Variants in HADHA observed in about 807,000 individuals in gnomAD.
HADHA encodes trifunctional enzyme subunit alpha, mitochondrial.
In HADHA, 59 loss-of-function variants were observed where a neutral mutation model predicts 91.3. The ratio of observed to expected loss-of-function variants is 0.65; its 90% CI spans 0.52 to 0.80. HADHA has a LOEUF of 0.80. Among genes scored for constraint, HADHA ranks in the 30% least tolerant of loss-of-function variants. HADHA has a pLI of 0.00. For synonymous variants in HADHA, 320 were observed against 338.9 expected, an observed-to-expected ratio of 0.94 and a Z score of 0.61; for missense variants, 800 against 927.6, an observed-to-expected ratio of 0.86 and a Z score of 1.79.
intron 5 of HADHA, among the ~76,000 whole-genome samples, chr2:26,232,866 T>A (rs997452171): frequency 3.3e-5 from 5 of 151,894 alleles, no homozygotes; most frequent in Non-Finnish European, 1.5e-5. Context: ...CTGCTACACA[T>A]CTAGGCTATA....
At chr2:26,242,903 C>T (rs563661733) in intron 1 of HADHA, among the ~76,000 whole-genome samples, 1 of 152,340 alleles carries the variant, frequency 6.6e-6, no homozygotes, top group East Asian at 1.9e-4. Context: ...AGGCGCCCAC[C>T]AACACGTCCG....
chr2:26,203,913 G>A (rs1340778423), intron 12 of HADHA, 149 bp downstream of exon 12: 33 of 787,724 alleles, frequency 4.2e-5, no homozygotes, highest in Middle Eastern at 3.7e-4. Flanking sequence ...GCTTCACTAC[G>A]GAGTATCTAG....
At chr2:26,199,126 G>A (rs4665317) in intron 13 of HADHA, 125,007 of 151,960 alleles carry the variant, frequency 0.82, 51,773 homozygotes, top group African/African-American at 0.93. Context: ...TTGAACTCCT[G>A]ACCTCGTGAT....
chr2:26,233,057 C>T (rs1412345040), intron 5 of HADHA, among the ~76,000 whole-genome samples: 1 of 152,148 alleles, frequency 6.6e-6, no homozygotes, highest in Non-Finnish European at 1.5e-5. Flanking sequence ...AACCTGGATC[C>T]CTCTCATGTG....
Position 26,229,348 on chromosome 2 carries a change from GCACACACA to G in HADHA, c.676+836_676+843del, listed in dbSNP as rs5830004. ...GTGAGACCCCAACATGTGTGCGCGC[GCACACACA>G]CACACACACACACACACAAAATTAA... On this transcript the variant is annotated intron_variant, in intron 7 of 19. Transcript: ENST00000380649. The surrounding 1 kb of genome is among the most constrained non-coding windows in gnomAD (Gnocchi z 4.3). Among the ~76,000 whole-genome samples the G allele has an allele frequency of 4.7e-5, 7 of 147,520 alleles. No individual in the cohort carries two copies. The highest frequency in any genetic ancestry group is 2.2e-4 in the South Asian group (1 of 4,636).
chr2:26,209,689 A>G (rs1670048593), intron 11 of HADHA, 91 bp downstream of exon 11: 1 of 792,354 alleles, frequency 1.3e-6, no homozygotes, highest in African/African-American at 1.7e-5. Context: ...CTGAATTAAG[A>G]TACAGATCTA....
At chr2:26,235,313 A>G (rs1665745664) in intron 4 of HADHA, 1 of 152,238 alleles carries the variant, frequency 6.6e-6, no homozygotes, top group Non-Finnish European at 1.5e-5. Flanking sequence ...CGTCTCAAAA[A>G]TAAATAAGTA....
chr2:26,194,508 T>G, intron 16 of HADHA, 62 bp downstream of exon 16: 143 of 998,098 alleles, frequency 1.4e-4, no homozygotes, highest in Non-Finnish European at 2.1e-4. Flanking sequence ...CTTGACATCA[T>G]GAGTTTTAGA....
chr2:26,204,183 G>T lies in HADHA; in HGVS notation c.1099C>A (p.Leu367Ile). ...CCTGCTCCCATCAGCCCTGCACCAA[G>T]AATAGCCAGATGCCTGCAAGGCAAG... Reference protein sequence around the residue: ...PQKDVKHLAILGAGLMGAGIA... With the variant: ...PQKDVKHLAIIGAGLMGAGIA... Residue 367 changes from leucine (L) to isoleucine (I), a missense_variant, in exon 12 of 20, where the codon CTT (leucine) becomes ATT (isoleucine). Leu to Ile is a conservative substitution (Grantham distance 5). Transcript: ENST00000380649. 6.2e-7 allele frequency: 1 copy of T among 1,614,020 alleles called. No individual in the cohort carries two copies.
intron 14 of HADHA, 117 bp from the exon 15 acceptor site, chr2:26,195,349 C>T (rs1447834118): frequency 1.1e-6 from 1 of 885,060 alleles, no homozygotes; most frequent in Middle Eastern, 2.2e-4. Flanking sequence ...AGGAATACTG[C>T]TTGACATAGC....
chr2:26,235,134 C>G (rs912024935), intron 4 of HADHA: 3 of 152,150 alleles, frequency 2.0e-5, no homozygotes, highest in African/African-American at 7.2e-5. Context: ...CATGGTGAAA[C>G]CGCGTCTCTA....
chr2:26,238,881 G>T, intron 3 of HADHA, 53 bp downstream of exon 3: 1 of 1,026,986 alleles, frequency 9.7e-7, no homozygotes, highest in Non-Finnish European at 1.5e-6. Context: ...TCCCATTCAG[G>T]ACTAGATTCA....
At position 26,244,568 on chromosome 2, in the gene HADHA, A is replaced by C. The variant is rs750558471; in HGVS notation, c.29T>G (p.Leu10Arg). Residue 10 changes from leucine to arginine, a missense_variant, in exon 1 of 20, where the codon CTC becomes CGC. Leu to Arg is a moderately radical substitution (Grantham distance 102). Transcript: ENST00000380649. ...GATCCTGAAGGCAGAAAAGCGGCTG[A>C]GGATGCCAATCGCCCGGCAGGCCAC... MVACRAIGI[L>R]SRFSAFRILR... 6.3e-7 allele frequency: 1 copy of C among 1,588,398 alleles called. No individual in the cohort carries two copies. The highest frequency in any genetic ancestry group is 2.3e-5 in the East Asian group (1 of 43,530).
At chr2:26,207,425 T>C (rs1323452887) in intron 11 of HADHA, among the ~76,000 whole-genome samples, 1 of 152,018 alleles carries the variant, frequency 6.6e-6, no homozygotes, top group African/African-American at 2.4e-5. Context: ...TTTTTTGGTA[T>C]AACAGAATCC....
At chr2:26,212,724 G>T in intron 9 of HADHA, 98 bp from the exon 10 acceptor site, 1 of 832,404 alleles carries the variant, frequency 1.2e-6, no homozygotes, top group South Asian at 1.3e-5. Context: ...TCCTCAAAGA[G>T]TAAGTCAAAA....
Position 26,205,239 on chromosome 2 carries a change from T to C in HADHA, c.1086-1043A>G, listed in dbSNP as rs1432164476. Among the ~76,000 whole-genome samples, 3 of 152,184 alleles carry C rather than the reference T, an allele frequency of 2.0e-5. No individual in the cohort carries two copies. In the East Asian group the frequency reaches 5.8e-4, roughly 29 times the overall value. ...GAAAAATTTTTAAAGAATCTCTTCA[T>C]AAAAGAAGCCCAAGTTTACAGCACT... is the stretch of plus-strand genomic sequence containing the variant. On this transcript the variant is annotated intron_variant, in intron 11 of 19. Coordinates refer to ENST00000380649, the MANE Select transcript of HADHA (RefSeq NM_000182.5).
At chr2:26,199,207 A>G (rs1669763993) in intron 13 of HADHA, 1 of 152,128 alleles carries the variant, frequency 6.6e-6, no homozygotes, top group African/African-American at 2.4e-5. Flanking sequence ...TACAAAAAAT[A>G]ACTTTAAAAA....
intron 5 of HADHA, among the ~76,000 whole-genome samples, chr2:26,232,708 T>C (rs549835684): frequency 1.7e-4 from 26 of 152,328 alleles, no homozygotes; most frequent in African/African-American, 4.8e-4. Flanking sequence ...ATTCTGCTTA[T>C]AGTTTAGGAC....
chr2:26,215,738 G>C (rs1047644930), intron 7 of HADHA, among the ~76,000 whole-genome samples: 1 of 152,204 alleles, frequency 6.6e-6, no homozygotes, highest in Admixed American at 6.5e-5. Context: ...CAACAGATTA[G>C]AAGCTAGAAG....
Sources: gnomAD v4.1 joint callset for allele counts (sites outside exome capture counted in the v4.1 genomes callset) on GRCh38, gnomAD v4.1.1 for gene constraint, Gnocchi (gnomAD v3.1) non-coding constraint, MANE v1.5 for transcripts, NCBI Gene and HGNC (gene_info 2026-07-23, HGNC 2026-07-21) for gene names.